MYH10: variants seen among roughly 807,000 people sequenced by gnomAD.
MYH10 encodes myosin-10.
A neutral mutation model predicts 257.8 loss-of-function variants in MYH10; 55 were observed. That is an observed-to-expected ratio of 0.21 (90% CI 0.17 to 0.27). The LOEUF (loss-of-function observed/expected upper bound fraction) is 0.27. Ranked by LOEUF, MYH10 falls within the 10% of genes least tolerant of loss-of-function variation. The probability of loss-of-function intolerance (pLI) is 1.00; values close to 1 mark genes in which losing one functional copy is unlikely to be tolerated. For synonymous variants in MYH10, 854 were observed against 921.7 expected, an observed-to-expected ratio of 0.93 and a Z score of 1.33; for missense variants, 1,631 against 2,500.6, an observed-to-expected ratio of 0.65 and a Z score of 7.42.
At chr17:8,593,821 G>A (rs1304406710) in intron 3 of MYH10, among the ~76,000 whole-genome samples, 4 of 152,098 alleles carry the variant, frequency 2.6e-5, no homozygotes, top group South Asian at 2.1e-4. Flanking sequence ...GGCAAAAAGC[G>A]ACAAACTGAT....
Position 8,484,252 on chromosome 17 carries a change from A to G in MYH10, c.5061T>C (p.Asp1687=), listed in dbSNP as rs1292419182. The change falls in exon 37 of 43, where the codon GAT becomes GAC. Residue 1687 remains aspartate (D), a synonymous_variant. Coordinates refer to ENST00000360416, the MANE Select transcript of MYH10 (RefSeq NM_001256012.3). ...GAGCTTCTTCTAATTCACGTTGGTA[A>G]TCCTTCATCTGAGCCTAAGATTAAA... is the stretch of plus-strand genomic sequence containing the variant. ...QLRKLQAQMK[D]YQRELEEARA... 5 of 1,612,044 alleles carry G rather than the reference A, an allele frequency of 3.1e-6. No homozygotes were observed. The African/African-American group carries it at 6.7e-5, about 22-fold the overall frequency.
At chr17:8,530,546 G>A in intron 17 of MYH10, 77 bp downstream of exon 17, 1 of 276,388 alleles carries the variant, frequency 3.6e-6, no homozygotes, top group Non-Finnish European at 5.1e-6. Context: ...CGGCCACCCT[G>A]CCAGTCCCCC....
intron 28 of MYH10, among the ~76,000 whole-genome samples, chr17:8,502,601 T>A (rs1191230908): frequency 6.6e-6 from 1 of 152,096 alleles, no homozygotes; most frequent in East Asian, 1.9e-4. Flanking sequence ...TCATCAAAAG[T>A]CCTTAAGAGA....
intron 2 of MYH10, among the ~76,000 whole-genome samples, chr17:8,612,641 A>T (rs1422285918): frequency 6.6e-6 from 1 of 152,148 alleles, no homozygotes; most frequent in Non-Finnish European, 1.5e-5. Context: ...TCACGAGGTC[A>T]GGAGTTCAAA....
chr17:8,475,837 A>G lies in MYH10; in HGVS notation c.5991T>C (p.Asp1997=), dbSNP rs1912486540. 2 of 1,614,164 alleles carry G rather than the reference A, an allele frequency of 1.2e-6. No individual in the cohort carries two copies. The highest frequency in any genetic ancestry group is 1.1e-5 in the South Asian group (1 of 91,084). ...ACTGGGGTGGCTGCGTCTCGTTGAC[A>G]TCACTGGTCTTACTTTCTGTGTCAT... ...SDDDTESKTS[D]VNETQPPQSE is the part of the protein sequence containing the mutation. The change falls in exon 43 of 43, where the codon GAT becomes GAC. Residue 1997 remains aspartate (D), a synonymous_variant. Transcript: ENST00000360416.
intron 3 of MYH10, among the ~76,000 whole-genome samples, chr17:8,595,199 T>G (rs1269951387): frequency 6.6e-6 from 1 of 152,178 alleles, no homozygotes; most frequent in Non-Finnish European, 1.5e-5. Flanking sequence ...ACGGCAGCAC[T>G]AGTGTTTATT....
At position 8,576,665 on chromosome 17, in the gene MYH10, G is replaced by A. The variant is rs1030156203; in HGVS notation, c.641C>T (p.Ser214Leu). 5.8e-5 allele frequency: 90 copies of A among 1,550,584 alleles called. No individual in the cohort carries two copies. The highest frequency in any genetic ancestry group is 6.8e-5 in the African/African-American group (5 of 73,010). ...GRKDHNIPQE[S>L]PKPVKHQGEL... ...TGCCTGGTGTTTCACTGGTTTAGGC[G>A]ATTCCTGCTGTTCATTACAAACAGA... The change falls in exon 6 of 43, where the codon TCG becomes TTG. Residue 214 changes from serine (S) to leucine (L), a missense_variant. Coordinates refer to ENST00000360416, the MANE Select transcript of MYH10 (RefSeq NM_001256012.3).
chr17:8,521,378 T>C, intron 17 of MYH10, 93 bp from the exon 18 acceptor site: 2 of 1,354,254 alleles, frequency 1.5e-6, no homozygotes, highest in Non-Finnish European at 1.0e-6. Context: ...AGCACAAGCT[T>C]TGTGGAACAA....
intron 7 of MYH10, among the ~76,000 whole-genome samples, chr17:8,558,743 T>C (rs769855426): frequency 6.6e-6 from 1 of 152,258 alleles, no homozygotes; most frequent in Non-Finnish European, 1.5e-5. Context: ...TGATAGCTCA[T>C]ATTTTGTTGA....
At chr17:8,629,125 TGAA>T (rs758473874) in intron 1 of MYH10, among the ~76,000 whole-genome samples, 1 of 152,010 alleles carries the variant, frequency 6.6e-6, no homozygotes, top group Non-Finnish European at 1.5e-5. Flanking sequence ...GGCAGATTGA[TGAA>T]GGAGATAAAA....
chr17:8,550,657 A>G (rs2082609092), intron 9 of MYH10, among the ~76,000 whole-genome samples: 1 of 152,102 alleles, frequency 6.6e-6, no homozygotes, highest in South Asian at 2.1e-4. Context: ...CAGCTCATTG[A>G]GAGCGGGCCA....
chr17:8,553,362 A>T (rs1485353688), intron 8 of MYH10, among the ~76,000 whole-genome samples: 1 of 152,172 alleles, frequency 6.6e-6, no homozygotes. Context: ...GAAAACTGTC[A>T]TCTATCTTTC....
At chr17:8,540,204 T>G (rs913343795) in intron 14 of MYH10, among the ~76,000 whole-genome samples, 8 of 152,322 alleles carry the variant, frequency 5.3e-5, no homozygotes, top group Non-Finnish European at 1.2e-4. Context: ...TTGGCCAGAT[T>G]GGTCTCGACC....
At chr17:8,534,892 T>G (rs1322436206) in intron 16 of MYH10, among the ~76,000 whole-genome samples, 1 of 152,226 alleles carries the variant, frequency 6.6e-6, no homozygotes, top group Non-Finnish European at 1.5e-5. Flanking sequence ...GAGGTTCATA[T>G]AACAAAAGAA....
At chr17:8,611,089 C>A (rs1261779195) in intron 2 of MYH10, among the ~76,000 whole-genome samples, 5 of 152,148 alleles carry the variant, frequency 3.3e-5, no homozygotes, top group Non-Finnish European at 7.3e-5. Flanking sequence ...TCTAAGAGAA[C>A]AAAAATTAAA....
intron 5 of MYH10, among the ~76,000 whole-genome samples, 156 bp from the exon 6 acceptor site, chr17:8,576,828 A>G (rs1285303952): frequency 2.0e-5 from 3 of 152,192 alleles, no homozygotes. Flanking sequence ...CCACTTCTGC[A>G]TGTCTAAAAA....
At position 8,623,509 on chromosome 17, in the gene MYH10, AAAAAG is replaced by A. The variant is rs375815298; in HGVS notation, c.-31-237_-31-233del. The A allele has an allele frequency of 3.9e-3, 1,002 of 253,954 alleles. 11 individuals carry two copies. Among genetic ancestry groups the A allele is most frequent in the African/African-American group, 0.018 (825 of 45,032 alleles). The allele number at this position is 253,954 out of a possible 1,614,324, so 15.7% of individuals were successfully genotyped here. A position where few individuals can be genotyped will look rare whatever the true frequency, so the allele number is the denominator to read the frequency against. On this transcript the variant is annotated intron_variant, in intron 1 of 42. Transcript: ENST00000360416. ...TTTGCCCTCAGTTACTGAGGGCAAAAAAAAGAAAAGAAAAGAAAAGAAAAGGCAAA... is the reference window on the plus strand; with the variant it reads ...TTTGCCCTCAGTTACTGAGGGCAAAAAAAAGAAAAGAAAAGAAAAGGCAAA...
intron 37 of MYH10, among the ~76,000 whole-genome samples, chr17:8,482,047 G>A (rs934056616): frequency 1.3e-5 from 2 of 152,206 alleles, no homozygotes; most frequent in Non-Finnish European, 2.9e-5. Context: ...GCCAGCCCAC[G>A]GGAGGAACTG....
At chr17:8,565,635 A>C (rs2083141181) in intron 7 of MYH10, among the ~76,000 whole-genome samples, 1 of 152,230 alleles carries the variant, frequency 6.6e-6, no homozygotes, top group Non-Finnish European at 1.5e-5. Context: ...TTTTCTACTA[A>C]AAACAAATCA....
Sources: allele counts gnomAD v4.1 joint callset (sites outside exome capture counted in the v4.1 genomes callset), GRCh38; gene constraint gnomAD v4.1.1; transcripts MANE v1.5; gene names NCBI Gene and HGNC (gene_info 2026-07-23, HGNC 2026-07-21).